HP1BP3: variants seen among roughly 807,000 people sequenced by gnomAD.
The protein encoded by HP1BP3 is heterochromatin protein 1 binding protein 3, also known as heterochromatin protein 1-binding protein 3.
HP1BP3 carries 12 observed loss-of-function variants against 62.5 expected under a neutral mutation model. The observed-to-expected ratio is 0.19, with a 90% CI of 0.12 to 0.31. The LOEUF (loss-of-function observed/expected upper bound fraction) is 0.31, where lower values mean the gene tolerates loss of function less well. HP1BP3 is among the 10% of genes least tolerant of loss of function. The probability of loss-of-function intolerance (pLI) is 1.00; values close to 1 mark genes in which losing one functional copy is unlikely to be tolerated. For missense variants in HP1BP3, 502 were observed against 651.8 expected, an observed-to-expected ratio of 0.77 and a Z score of 2.50; for synonymous variants, 260 against 237.8, an observed-to-expected ratio of 1.09 and a Z score of -0.86.
intron 9 of HP1BP3, among the ~76,000 whole-genome samples, chr1:20,751,297 A>ATT (rs961287182): frequency 6.2e-5 from 9 of 145,090 alleles, no homozygotes; most frequent in African/African-American, 2.3e-4. Context: ...GTTTTTTATG[A>ATT]TTTTTTTTTT....
intron 6 of HP1BP3, among the ~76,000 whole-genome samples, chr1:20,769,244 T>G (rs1034650712): frequency 6.6e-6 from 1 of 152,074 alleles, no homozygotes; most frequent in African/African-American, 2.4e-5. Context: ...CATGCACCCC[T>G]ACATTTGGCT....
At chr1:20,757,358 CTATTAT>C (rs200530725) in intron 8 of HP1BP3, 102 bp from the exon 9 acceptor site, 9 of 435,606 alleles carry the variant, frequency 2.1e-5, no homozygotes, top group East Asian at 4.6e-5. Flanking sequence ...GTTCTGATTA[CTATTAT>C]TATTATTATT....
intron 8 of HP1BP3, among the ~76,000 whole-genome samples, chr1:20,761,154 C>T (rs979647411): frequency 1.3e-5 from 2 of 152,242 alleles, no homozygotes; most frequent in Middle Eastern, 6.8e-3. Flanking sequence ...AAGTGATTCT[C>T]TTGCCTTGGC....
chr1:20,769,997 G>GT (rs1194465181), intron 6 of HP1BP3, among the ~76,000 whole-genome samples: 10 of 152,194 alleles, frequency 6.6e-5, no homozygotes, highest in African/African-American at 1.2e-4. Context: ...TGCCACTACC[G>GT]TAAGACCTTA....
rs2057496384 is a variant in HP1BP3, at chr1:20,780,499, C to T, written c.-59G>A. 10 of 1,230,308 alleles carry T rather than the reference C, an allele frequency of 8.1e-6. No individual in the cohort carries two copies. The highest frequency in any genetic ancestry group is 1.2e-5 in the Non-Finnish European group (10 of 833,092). 76.2% of individuals were successfully genotyped at this position (1,230,308 alleles called of 1,614,324 possible). On this transcript the variant is annotated 5_prime_UTR_variant, in exon 2 of 13. In the 5' UTR this introduces an upstream ATG that the reference lacks. Transcript: ENST00000438032. Reference sequence around the variant, plus strand: ...ACTCTGAAGCCTCTGCTGTTAACCACAAGGATTTTTCCTAATGGTTTCAGT... The same window carrying T: ...ACTCTGAAGCCTCTGCTGTTAACCATAAGGATTTTTCCTAATGGTTTCAGT...
chr1:20,786,417 A>G (rs1196458059), intron 1 of HP1BP3: 1 of 151,536 alleles, frequency 6.6e-6, no homozygotes, highest in Admixed American at 6.6e-5. Flanking sequence ...AGAGCAGCGG[A>G]GACAAAGCAG....
chr1:20,756,808 C>T (rs533239923), intron 9 of HP1BP3, among the ~76,000 whole-genome samples: 5 of 152,184 alleles, frequency 3.3e-5, no homozygotes, highest in East Asian at 1.9e-4. Context: ...CTCCACCTCC[C>T]GCGTTCAAGT....
intron 8 of HP1BP3, among the ~76,000 whole-genome samples, chr1:20,760,455 C>T (rs890077957): frequency 4.6e-5 from 7 of 151,840 alleles, no homozygotes; most frequent in Admixed American, 6.6e-5. Context: ...GTGGGAGGAT[C>T]GTTTGAGCCT....
chr1:20,778,657 G>A (rs1165108983), intron 3 of HP1BP3, among the ~76,000 whole-genome samples: 1 of 141,882 alleles, frequency 7.0e-6, no homozygotes, highest in East Asian at 1.9e-4. Context: ...AGGCCAGGGT[G>A]CCCAAATTGC....
intron 6 of HP1BP3, among the ~76,000 whole-genome samples, chr1:20,768,492 TAA>T (rs1395951588): frequency 6.6e-6 from 1 of 152,142 alleles, no homozygotes; most frequent in Non-Finnish European, 1.5e-5. Context: ...AATGGTATGT[TAA>T]GTTTTACCAC....
At chr1:20,753,186 C>T (rs1227906068) in intron 9 of HP1BP3, among the ~76,000 whole-genome samples, 3 of 152,142 alleles carry the variant, frequency 2.0e-5, no homozygotes, top group Non-Finnish European at 4.4e-5. Flanking sequence ...CGTGATTCGC[C>T]CACCTCGGCC....
rs528828012 is a variant in HP1BP3 at position 20,755,437 on chromosome 1, T to C, written c.981+1729A>G. The C allele has an allele frequency of 3.4e-3, 1,535 of 445,316 alleles. 5 individuals are homozygous for C. The highest frequency in any genetic ancestry group is 5.7e-3 in the Non-Finnish European group (1,249 of 221,012). 27.6% of individuals were successfully genotyped at this position (445,316 alleles called of 1,614,324 possible). Reference sequence around the variant, plus strand: ...AAATACAAAAATTAATCAGGCATGGTGGTGGTGCACGCCTATAATCCCAGC... The same window carrying C: ...AAATACAAAAATTAATCAGGCATGGCGGTGGTGCACGCCTATAATCCCAGC... On this transcript the variant is annotated intron_variant, in intron 9 of 12. Coordinates refer to ENST00000438032, the MANE Select transcript of HP1BP3 (RefSeq NM_001372052.1).
In HP1BP3 at chr1:20,742,621, T is replaced by G. The variant is rs1247832264; in HGVS notation, c.*2176A>C. On this transcript the variant is annotated 3_prime_UTR_variant, in exon 13 of 13. Transcript: ENST00000438032. ...AAAGACTTAAAGTGAGGGCGACACT[T>G]AGCTACTTCTGAGGATATACTATAC... The G allele has an allele frequency of 3.3e-5, 5 of 152,628 alleles. No individual in the cohort carries two copies. The highest frequency in any genetic ancestry group is 1.2e-4 in the African/African-American group (5 of 41,444). The allele number at this position is 152,628 out of a possible 1,614,324, so 9.5% of individuals were successfully genotyped here. A position where few individuals can be genotyped will look rare whatever the true frequency, so the allele number is the denominator to read the frequency against.
At chr1:20,750,812 CTCTCTT>C (rs1557639572) in intron 9 of HP1BP3, among the ~76,000 whole-genome samples, 1 of 112,476 alleles carries the variant, frequency 8.9e-6, no homozygotes. Context: ...AATATATTTT[CTCTCTT>C]TTTTTTTTTT....
At chr1:20,746,200 G>A (rs1008714615) in intron 11 of HP1BP3, among the ~76,000 whole-genome samples, 28 of 150,034 alleles carry the variant, frequency 1.9e-4, no homozygotes, top group South Asian at 8.4e-4. Context: ...GTGTGTGTGT[G>A]TGTGTGTGTG....
intron 10 of HP1BP3, among the ~76,000 whole-genome samples, chr1:20,748,042 G>C (rs1461454374): frequency 6.6e-6 from 1 of 151,452 alleles, no homozygotes; most frequent in African/African-American, 2.4e-5. Flanking sequence ...AGACACATTA[G>C]AGACCATTGA....
At chr1:20,778,189 C>T (rs1200629034) in intron 3 of HP1BP3, among the ~76,000 whole-genome samples, 1 of 152,146 alleles carries the variant, frequency 6.6e-6, no homozygotes, top group Non-Finnish European at 1.5e-5. Flanking sequence ...TCAAGAATAA[C>T]TGCTCAAGAG....
intron 4 of HP1BP3, among the ~76,000 whole-genome samples, chr1:20,775,261 T>C (rs2057251707): frequency 6.6e-6 from 1 of 151,930 alleles, no homozygotes; most frequent in South Asian, 2.1e-4. Context: ...TGGAAGACAG[T>C]GATATTGATG....
At chr1:20,783,185 G>C (rs1449453084) in intron 1 of HP1BP3, among the ~76,000 whole-genome samples, 2 of 152,130 alleles carry the variant, frequency 1.3e-5, no homozygotes, top group African/African-American at 4.8e-5. Flanking sequence ...CATTCATTAT[G>C]TGTGAAGAAC....
Sources: allele counts gnomAD v4.1 joint callset (sites outside exome capture counted in the v4.1 genomes callset), GRCh38; gene constraint gnomAD v4.1.1; transcripts MANE v1.5; gene names NCBI Gene and HGNC (gene_info 2026-07-23, HGNC 2026-07-21).